RANBP17: variants seen among roughly 807,000 people sequenced by gnomAD.
The protein encoded by RANBP17 is RAN binding protein 17.
RANBP17 carries 158 observed loss-of-function variants against 141.2 expected under a neutral mutation model. The observed-to-expected ratio is 1.12, with a 90% CI of 0.98 to 1.28. The LOEUF (loss-of-function observed/expected upper bound fraction) is 1.28. Among genes scored for constraint, RANBP17 ranks in the 50% most tolerant of loss-of-function variants. The pLI is 0.00. For missense variants in RANBP17, 1,438 were observed against 1,290.7 expected (o/e 1.11, Z -1.75); for synonymous variants, 430 against 450.0 (o/e 0.96, Z 0.56).
At chr5:171,243,425 A>G (rs1581104214) in intron 24 of RANBP17, among the ~76,000 whole-genome samples, 1 of 152,174 alleles carries the variant, frequency 6.6e-6, no homozygotes, top group East Asian at 1.9e-4. Context: ...TCACCAGCTG[A>G]TGGACATTTG....
intron 14 of RANBP17, among the ~76,000 whole-genome samples, chr5:171,133,810 A>T (rs56027741): frequency 9.0e-4 from 137 of 152,330 alleles, no homozygotes; most frequent in Middle Eastern, 3.4e-3. Context: ...TCTTATTTTG[A>T]AAAAGAACAT....
chr5:171,098,269 T>G (rs1326916898), intron 14 of RANBP17, among the ~76,000 whole-genome samples: 1 of 152,126 alleles, frequency 6.6e-6, no homozygotes, highest in Admixed American at 6.6e-5. Flanking sequence ...TAAAAGCGTT[T>G]CTATTTTTTC....
chr5:171,269,807 G>A (rs1020633829), intron 25 of RANBP17, among the ~76,000 whole-genome samples: 3 of 152,142 alleles, frequency 2.0e-5, no homozygotes, highest in Non-Finnish European at 4.4e-5. Context: ...CATCTGTGTC[G>A]GTTAAGTAAT....
At chr5:171,061,091 G>A (rs1783808467) in intron 14 of RANBP17, among the ~76,000 whole-genome samples, 1 of 151,750 alleles carries the variant, frequency 6.6e-6, no homozygotes, top group African/African-American at 2.4e-5. Flanking sequence ...TATCAATTTT[G>A]TTGATCCTTT....
At chr5:171,280,970 A>G (rs963303715) in intron 25 of RANBP17, among the ~76,000 whole-genome samples, 3 of 152,188 alleles carry the variant, frequency 2.0e-5, no homozygotes, top group Non-Finnish European at 4.4e-5. Flanking sequence ...TGCTAACTGT[A>G]TGTCCTTGGA....
chr5:171,171,119 A>G (rs1028978715), intron 15 of RANBP17, 87 bp from the exon 16 acceptor site: 9 of 706,080 alleles, frequency 1.3e-5, no homozygotes, highest in Non-Finnish European at 1.9e-5. Flanking sequence ...TAGGTCATCA[A>G]ACTTACATAA....
intron 18 of RANBP17, 93 bp from the exon 19 acceptor site, chr5:171,199,577 A>G (rs577920172): frequency 1.0e-5 from 7 of 686,292 alleles, no homozygotes; most frequent in African/African-American, 7.4e-5. Context: ...CTTCTCGGGA[A>G]TATTTCTAAG....
chr5:170,865,311 C>A (rs1767154221), intron 1 of RANBP17, among the ~76,000 whole-genome samples: 1 of 152,182 alleles, frequency 6.6e-6, no homozygotes, highest in Non-Finnish European at 1.5e-5. Flanking sequence ...GATCCGCCCA[C>A]TTCGGCCTCC....
chr5:170,972,963 C>G (rs1269386747), intron 14 of RANBP17, among the ~76,000 whole-genome samples: 1 of 152,148 alleles, frequency 6.6e-6, no homozygotes, highest in African/African-American at 2.4e-5. Flanking sequence ...TGAATTCTTG[C>G]TTATGATGAA....
Position 171,230,727 on chromosome 5 carries a change from A to G in RANBP17, c.2422+8887A>G, listed in dbSNP as rs531708813. On this transcript the variant is annotated intron_variant, in intron 22 of 27. Coordinates refer to ENST00000523189, the MANE Select transcript of RANBP17 (RefSeq NM_022897.5). ...CAGTGAGCTGAGATCGCACCTTTGCATTCCAGCCTGGGCGACAGAGCAAGA... is the reference window on the plus strand; with the variant it reads ...CAGTGAGCTGAGATCGCACCTTTGCGTTCCAGCCTGGGCGACAGAGCAAGA... Among the ~76,000 whole-genome samples, 151 of 152,306 alleles carry G rather than the reference A, an allele frequency of 9.9e-4. 1 individual carries two copies. Among genetic ancestry groups the G allele is most frequent in the African/African-American group, 3.5e-3 (145 of 41,562 alleles).
intron 12 of RANBP17, among the ~76,000 whole-genome samples, chr5:170,937,221 C>T (rs1773955224): frequency 6.6e-6 from 1 of 152,152 alleles, no homozygotes. Flanking sequence ...TGTATGTAGT[C>T]CACAAACCAT....
chr5:170,931,434 G>C (rs1222093850), intron 12 of RANBP17, among the ~76,000 whole-genome samples: 1 of 152,130 alleles, frequency 6.6e-6, no homozygotes, highest in Non-Finnish European at 1.5e-5. Flanking sequence ...TGTCAATTTT[G>C]TCTTTTGTTG....
At chr5:170,903,029 GCTGGGAGATCCC>G (rs532006403) in intron 5 of RANBP17, among the ~76,000 whole-genome samples, 40 of 152,228 alleles carry the variant, frequency 2.6e-4, no homozygotes, top group Non-Finnish European at 4.9e-4. Flanking sequence ...TGAGCACCAT[GCTGGGAGATCCC>G]CTGCTCTCTT....
intron 25 of RANBP17, among the ~76,000 whole-genome samples, chr5:171,286,897 C>T (rs896202943): frequency 1.3e-5 from 2 of 152,180 alleles, no homozygotes; most frequent in African/African-American, 4.8e-5. Flanking sequence ...GGTTTCTCTG[C>T]TTTTTCAAAT....
chr5:171,277,410 C>T (rs1767555438), intron 25 of RANBP17, among the ~76,000 whole-genome samples: 1 of 151,424 alleles, frequency 6.6e-6, no homozygotes, highest in African/African-American at 2.4e-5. Flanking sequence ...CATACTATTC[C>T]AAAGAACCTT....
intron 4 of RANBP17, among the ~76,000 whole-genome samples, chr5:170,893,906 CT>C (rs992420925): frequency 5.9e-5 from 9 of 152,086 alleles, no homozygotes; most frequent in Non-Finnish European, 1.2e-4. Flanking sequence ...GCAATTTTGA[CT>C]TTCGGAGATT....
intron 14 of RANBP17, among the ~76,000 whole-genome samples, chr5:171,137,572 A>ATGTGTGTGTGTGTGTGTGTGTGTGTGTG (rs140713117): frequency 7.8e-5 from 11 of 141,026 alleles, no homozygotes; most frequent in Non-Finnish European, 1.2e-4. Context: ...TTGACTTGAG[A>ATGTGTGTGTGTGTGTGTGTGTGTGTGTG]TGTGTGTGTG....
intron 18 of RANBP17, among the ~76,000 whole-genome samples, chr5:171,198,867 A>C (rs1160122091): frequency 6.6e-6 from 1 of 152,214 alleles, no homozygotes; most frequent in Non-Finnish European, 1.5e-5. Context: ...TGCAGCTCGT[A>C]GCTCCCTGTG....
intron 24 of RANBP17, among the ~76,000 whole-genome samples, chr5:171,251,451 A>G (rs1424674149): frequency 6.6e-6 from 1 of 152,102 alleles, no homozygotes; most frequent in Admixed American, 6.5e-5. Flanking sequence ...CCAGAAATCA[A>G]TACCAAGAGG....
Sources: allele counts gnomAD v4.1 joint callset (sites outside exome capture counted in the v4.1 genomes callset), GRCh38; gene constraint gnomAD v4.1.1; transcripts MANE v1.5; gene names NCBI Gene and HGNC (gene_info 2026-07-23, HGNC 2026-07-21).